Variants in PTGFR observed in about 807,000 individuals in gnomAD.
PTGFR encodes the protein prostaglandin F2-alpha receptor.
Under a neutral mutation model 26.2 loss-of-function variants are expected in PTGFR, and 15 were observed. The observed-to-expected ratio is 0.57, with a 90% CI of 0.38 to 0.88. The LOEUF is 0.88. PTGFR is among the 40% of genes least tolerant of loss of function. The probability of loss-of-function intolerance (pLI) is 0.00; values close to 1 mark genes in which losing one functional copy is unlikely to be tolerated. For synonymous variants in PTGFR, 165 were observed against 151.1 expected (o/e 1.09, Z -0.68); for missense variants, 369 against 427.2 (o/e 0.86, Z 1.20).
rs987770625 is a variant in PTGFR at position 78,491,236 on chromosome 1, G to A, written c.-73G>A. On this transcript the variant is annotated splice_region_variant and 5_prime_UTR_variant, in exon 1 of 3. Coordinates refer to ENST00000370757, the MANE Select transcript of PTGFR (RefSeq NM_000959.4). The stretch of plus-strand genomic sequence containing the variant: ...CCCGGCTGGCGGCCTGGGATGACAA[G>A]GTACCATCCCTCCAGAGGCTGATCC... The A allele has an allele frequency of 1.3e-5, 2 of 152,280 alleles. No homozygotes were observed. Among genetic ancestry groups the A allele is most frequent in the African/African-American group, 4.8e-5 (2 of 41,454 alleles). 9.4% of individuals were successfully genotyped at this position (152,280 alleles called of 1,614,324 possible).
intron 2 of PTGFR, among the ~76,000 whole-genome samples, chr1:78,507,760 AT>A (rs1471726319): frequency 3.9e-5 from 6 of 152,132 alleles, no homozygotes; most frequent in African/African-American, 1.4e-4. Flanking sequence ...AATGTTTGGT[AT>A]TTTGATTGAT....
At chr1:78,494,567 C>G (rs1451568570) in intron 2 of PTGFR, among the ~76,000 whole-genome samples, 1 of 152,178 alleles carries the variant, frequency 6.6e-6, no homozygotes, top group Non-Finnish European at 1.5e-5. Context: ...TCCAAACAGG[C>G]TCATTGCCCA....
chr1:78,510,079 C>T (rs1033290371), intron 2 of PTGFR, among the ~76,000 whole-genome samples: 1 of 152,156 alleles, frequency 6.6e-6, no homozygotes, highest in East Asian at 1.9e-4. Context: ...AATTAAAAAT[C>T]ATGCATCACA....
chr1:78,497,770 T>C (rs1649594145), intron 2 of PTGFR: 1 of 759,748 alleles, frequency 1.3e-6, no homozygotes, highest in Non-Finnish European at 2.2e-6. Flanking sequence ...AACCAAATGG[T>C]AATTTTAATC....
chr1:78,502,914 C>T (rs544414572), intron 2 of PTGFR, among the ~76,000 whole-genome samples: 1 of 151,984 alleles, frequency 6.6e-6, no homozygotes, highest in African/African-American at 2.4e-5. Context: ...TTTGTTACAA[C>T]AGAATATCAG....
intron 2 of PTGFR, among the ~76,000 whole-genome samples, chr1:78,497,621 G>A (rs886937221): frequency 2.0e-5 from 3 of 152,176 alleles, no homozygotes; most frequent in Admixed American, 6.5e-5. Context: ...GCTATGCGTA[G>A]TTCACCTATT....
At chr1:78,500,465 T>C (rs965931348) in intron 2 of PTGFR, among the ~76,000 whole-genome samples, 1 of 152,216 alleles carries the variant, frequency 6.6e-6, no homozygotes, top group Non-Finnish European at 1.5e-5. Context: ...GTGCAGTGAC[T>C]GGTGGATGTG....
At chr1:78,532,146 A>G in intron 2 of PTGFR, 1 of 370,384 alleles carries the variant, frequency 2.7e-6, no homozygotes, top group South Asian at 1.9e-5. Context: ...AAATGCAATA[A>G]GAAAAACAAA....
chr1:78,492,797 A>G lies in PTGFR; in HGVS notation c.54A>G (p.Ser18=). Residue 18 remains serine (S), a synonymous_variant, in exon 2 of 3, where the codon TCA becomes TCG. Transcript: ENST00000370757. ...QLVSPAAALL[S]NTTCQTENRL... ...TGTCTCCTGCAGCTGCGCTTCTTTCAAACACAACCTGCCAGACGGAAAACC... is the reference window on the plus strand; with the variant it reads ...TGTCTCCTGCAGCTGCGCTTCTTTCGAACACAACCTGCCAGACGGAAAACC... 6.2e-7 allele frequency: 1 copy of G among 1,614,190 alleles called. No homozygotes were observed. Among genetic ancestry groups the G allele is most frequent in the Non-Finnish European group, 8.5e-7 (1 of 1,180,040 alleles).
rs981820025 is a variant in PTGFR, at chr1:78,539,226, G to C, written c.*2539G>C. 6.6e-6 allele frequency: 1 copy of C among 151,612 alleles called. No homozygotes were observed. The highest frequency in any genetic ancestry group is 1.5e-5 in the Non-Finnish European group (1 of 67,882). 9.4% of individuals were successfully genotyped at this position (151,612 alleles called of 1,614,324 possible). On this transcript the variant is annotated 3_prime_UTR_variant, in exon 3 of 3. Coordinates refer to ENST00000370757, the MANE Select transcript of PTGFR (RefSeq NM_000959.4). ...TAGCTAAAACGAAAAATACCTGAAA[G>C]TTAATACATACATATGTAGATATAT...
chr1:78,519,183 G>A (rs888533426), intron 2 of PTGFR, among the ~76,000 whole-genome samples: 9 of 152,094 alleles, frequency 5.9e-5, no homozygotes, highest in African/African-American at 1.9e-4. Flanking sequence ...CCATCTCTGA[G>A]AGTGGAAAGC....
intron 2 of PTGFR, among the ~76,000 whole-genome samples, chr1:78,531,040 G>A (rs951270436): frequency 6.6e-6 from 1 of 152,102 alleles, no homozygotes; most frequent in African/African-American, 2.4e-5. Context: ...TTGGGGTAAA[G>A]AAATTCCATG....
chr1:78,498,605 G>T (rs1361948129), intron 2 of PTGFR, among the ~76,000 whole-genome samples: 1 of 152,066 alleles, frequency 6.6e-6, no homozygotes, highest in Non-Finnish European at 1.5e-5. Flanking sequence ...TAGATACTGT[G>T]TTCACTGCTT....
chr1:78,538,766 G>A lies in PTGFR; in HGVS notation c.*2079G>A, dbSNP rs776992204. On this transcript the variant is annotated 3_prime_UTR_variant, in exon 3 of 3. Coordinates refer to ENST00000370757, the MANE Select transcript of PTGFR (RefSeq NM_000959.4). ...AGAAGTGTATTTTTTCAGGTTTCTG[G>A]AAATAAATAGTAAAATAAATGGCAC... 3 of 151,970 alleles carry A rather than the reference G, an allele frequency of 2.0e-5. No homozygotes were observed. Among genetic ancestry groups the A allele is most frequent in the Non-Finnish European group, 4.4e-5 (3 of 67,962 alleles). The allele number at this position is 151,970 out of a possible 1,614,324, so 9.4% of individuals were successfully genotyped here.
Position 78,536,892 on chromosome 1 carries a change from G to A in PTGFR, c.*205G>A. The A allele has an allele frequency of 1.7e-6, 1 of 580,844 alleles. No homozygotes were observed. The highest frequency in any genetic ancestry group is 2.9e-6 in the Non-Finnish European group (1 of 347,448). 36.0% of individuals were successfully genotyped at this position (580,844 alleles called of 1,614,324 possible). On this transcript the variant is annotated 3_prime_UTR_variant, in exon 3 of 3. Transcript: ENST00000370757. ...TTTTCACTTGTTTTTGCCAATGGGA[G>A]GTAGACACAATAAAATAATGCCATG...
intron 2 of PTGFR, among the ~76,000 whole-genome samples, chr1:78,531,619 A>G (rs1396931092): frequency 6.6e-6 from 1 of 152,156 alleles, no homozygotes; most frequent in Non-Finnish European, 1.5e-5. Context: ...AAAAGTTCAT[A>G]TAAGTTTTCT....
At chr1:78,511,173 C>A (rs1041936462) in intron 2 of PTGFR, among the ~76,000 whole-genome samples, 4 of 152,192 alleles carry the variant, frequency 2.6e-5, no homozygotes, top group African/African-American at 9.7e-5. Flanking sequence ...CTTCCCACAG[C>A]TCTACTAGGC....
intron 2 of PTGFR, among the ~76,000 whole-genome samples, chr1:78,500,649 C>T (rs897771830): frequency 6.6e-5 from 10 of 152,212 alleles, no homozygotes; most frequent in African/African-American, 1.9e-4. Context: ...AAGCTTCCTG[C>T]GTGCAGATGT....
intron 1 of PTGFR, among the ~76,000 whole-genome samples, chr1:78,492,338 T>G (rs1046057769): frequency 1.3e-5 from 2 of 152,136 alleles, no homozygotes; most frequent in Non-Finnish European, 2.9e-5. Context: ...AAAATCTTAT[T>G]GGGTTTAAAT....
Sources: gnomAD v4.1 joint callset for allele counts (sites outside exome capture counted in the v4.1 genomes callset) on GRCh38, gnomAD v4.1.1 for gene constraint, MANE v1.5 for transcripts, NCBI Gene and HGNC (gene_info 2026-07-23, HGNC 2026-07-21) for gene names.